The following VPS13A variants were observed in gnomAD, a reference collection of about 807,000 sequenced individuals.
VPS13A encodes vacuolar protein sorting 13 homolog A.
A neutral mutation model predicts 390.9 loss-of-function variants in VPS13A; 264 were observed. The ratio of observed to expected loss-of-function variants is 0.68; its 90% CI spans 0.61 to 0.75. The LOEUF (loss-of-function observed/expected upper bound fraction) is 0.75. VPS13A is among the 30% of genes least tolerant of loss of function. VPS13A has a pLI of 0.00. For missense variants in VPS13A, 3,409 were observed against 3,733.9 expected, an observed-to-expected ratio of 0.91 and a Z score of 2.27; for synonymous variants, 1,231 against 1,227.1, an observed-to-expected ratio of 1.00 and a Z score of -0.07.
At chr9:77,231,471 T>A (rs573320645) in intron 17 of VPS13A, among the ~76,000 whole-genome samples, 1 of 152,294 alleles carries the variant, frequency 6.6e-6, no homozygotes, top group East Asian at 1.9e-4. Flanking sequence ...ATTATAGCCA[T>A]CCTTATGGGT....
intron 10 of VPS13A, among the ~76,000 whole-genome samples, chr9:77,215,479 C>T (rs921440684): frequency 1.3e-5 from 2 of 152,272 alleles, no homozygotes; most frequent in East Asian, 1.9e-4. Flanking sequence ...AATCCATAAT[C>T]GTAAATTCGA....
Position 77,402,931 on chromosome 9 carries a change from T to C in VPS13A, c.9190-305T>C, listed in dbSNP as rs558929615. 2.8e-3 allele frequency among the ~76,000 whole-genome samples: 425 copies of C among 152,314 alleles called. 8 individuals are homozygous for C. The highest frequency in any genetic ancestry group is 0.01 in the Middle Eastern group (3 of 294). The stretch of plus-strand genomic sequence containing the variant: ...TATTAAATACTAATGTGTTTTCCAA[T>C]ATAAAGTCACTGTAATAGTTAAATA... On this transcript the variant is annotated intron_variant, in intron 68 of 71. Coordinates refer to ENST00000360280, the MANE Select transcript of VPS13A (RefSeq NM_033305.3).
At chr9:77,394,626 T>A (rs936669985) in intron 68 of VPS13A, among the ~76,000 whole-genome samples, 1 of 152,224 alleles carries the variant, frequency 6.6e-6, no homozygotes, top group Non-Finnish European at 1.5e-5. Flanking sequence ...GGCATTTACT[T>A]CTCTCTAGCT....
intron 60 of VPS13A, among the ~76,000 whole-genome samples, chr9:77,366,325 G>A (rs1015676908): frequency 6.6e-6 from 1 of 152,022 alleles, no homozygotes; most frequent in African/African-American, 2.4e-5. Context: ...TCCACTGAAG[G>A]TGTATTGCTT....
rs865836844 is a variant in VPS13A, at chr9:77,397,489, A to G, written c.9190-5747A>G. Among the ~76,000 whole-genome samples the G allele has an allele frequency of 3.9e-5, 6 of 152,274 alleles. 1 individual carries two copies. The South Asian group carries it at 1.2e-3, about 32-fold the overall frequency. Reference sequence around the variant, plus strand: ...TTAACACATTCTTTGGTTGGGACTTAAAGCCTTTTATTTTAGTGATTTATT... The same window carrying G: ...TTAACACATTCTTTGGTTGGGACTTGAAGCCTTTTATTTTAGTGATTTATT... On this transcript the variant is annotated intron_variant, in intron 68 of 71. Coordinates refer to ENST00000360280, the MANE Select transcript of VPS13A (RefSeq NM_033305.3).
intron 1 of VPS13A, among the ~76,000 whole-genome samples, chr9:77,181,697 T>C (rs1398461933): frequency 1.3e-5 from 2 of 152,160 alleles, no homozygotes; most frequent in African/African-American, 4.8e-5. Context: ...TAGTATTCAG[T>C]CATTGCTAAT....
Position 77,207,237 on chromosome 9 carries a change from A to ATATACG in VPS13A, c.385+1162_385+1163insCGTATA, listed in dbSNP as rs1554859951. Among the ~76,000 whole-genome samples, 5 of 79,534 alleles carry ATATACG rather than the reference A, an allele frequency of 6.3e-5. 1 individual carries two copies. The Admixed American group carries it at 7.4e-4, about 12-fold the overall frequency. 52.2% of individuals were successfully genotyped at this position (79,534 alleles called of 152,430 possible). ...ATTATATATATATATATATATATAT[A>ATATACG]TATATATATATATATAAAACGTGTT... is the stretch of plus-strand genomic sequence containing the variant. On this transcript the variant is annotated intron_variant, in intron 5 of 71. Coordinates refer to ENST00000360280, the MANE Select transcript of VPS13A (RefSeq NM_033305.3).
intron 1 of VPS13A, among the ~76,000 whole-genome samples, chr9:77,185,953 C>T (rs1299248319): frequency 6.6e-6 from 1 of 152,044 alleles, no homozygotes; most frequent in Non-Finnish European, 1.5e-5. Context: ...ATGGTGAAAC[C>T]CCATCTCTAC....
At chr9:77,309,537 A>G (rs1828948736) in intron 35 of VPS13A, among the ~76,000 whole-genome samples, 1 of 152,230 alleles carries the variant, frequency 6.6e-6, no homozygotes, top group Non-Finnish European at 1.5e-5. Flanking sequence ...ATACATATGT[A>G]TCATAAAGAT....
chr9:77,333,837 A>G (rs1830405653), intron 46 of VPS13A, among the ~76,000 whole-genome samples: 1 of 152,220 alleles, frequency 6.6e-6, no homozygotes, highest in African/African-American at 2.4e-5. Context: ...GAATTTAAAT[A>G]TACTGATTCT....
chr9:77,411,429 C>T (rs1428257320), intron 71 of VPS13A, among the ~76,000 whole-genome samples: 52 of 152,002 alleles, frequency 3.4e-4, no homozygotes, highest in African/African-American at 1.1e-3. Flanking sequence ...TTTGGGAGGC[C>T]GAGGCAGGCG....
intron 1 of VPS13A, among the ~76,000 whole-genome samples, chr9:77,181,890 A>T (rs1040642195): frequency 6.6e-6 from 1 of 152,018 alleles, no homozygotes; most frequent in Non-Finnish European, 1.5e-5. Flanking sequence ...CTGCTAGAAG[A>T]CTCTGTCTTA....
In VPS13A at chr9:77,322,953, G is replaced by A. The variant is rs377562318; in HGVS notation, c.5831-114G>A. The A allele has an allele frequency of 4.8e-5, 40 of 829,978 alleles. No homozygotes were observed. In the East Asian group the frequency reaches 9.4e-4, roughly 19 times the overall value. 51.4% of individuals were successfully genotyped at this position (829,978 alleles called of 1,614,324 possible). ...TTATGGACTATATCCAAAGACTCTA[G>A]TGACTATTATTTATAAGTTTAAGAA... is the stretch of plus-strand genomic sequence containing the variant. On this transcript the variant is annotated intron_variant, in intron 44 of 71. Transcript: ENST00000360280.
Position 77,252,296 on chromosome 9 carries a change from G to T in VPS13A, c.2232G>T (p.Met744Ile), listed in dbSNP as rs142615030. The change falls in exon 22 of 72, where the codon ATG becomes ATT. Residue 744 changes from methionine to isoleucine, a missense_variant. Physicochemically the swap from Met to Ile is conservative, Grantham distance 10 (BLOSUM62 1). Transcript: ENST00000360280. ...SVSTQHILVP[M>I]HFNLELSKAM... ...CTACCCAGCATATTTTGGTACCCAT[G>T]CACTTCAATTTGGAACTGTCTAAGG... The T allele has an allele frequency of 4.3e-6, 7 of 1,613,894 alleles. No individual in the cohort carries two copies. In the African/African-American group the frequency reaches 9.3e-5, roughly 22 times the overall value.
In VPS13A at chr9:77,226,584, A is replaced by C. The variant is rs376343934; in HGVS notation, c.1343A>C (p.Asp448Ala). The C allele has an allele frequency of 1.2e-6, 2 of 1,612,596 alleles. No individual in the cohort carries two copies. Among genetic ancestry groups the C allele is most frequent in the Non-Finnish European group, 1.7e-6 (2 of 1,179,078 alleles). Residue 448 changes from aspartate (D) to alanine (A), a missense_variant, in exon 15 of 72, where the codon GAT (aspartate) becomes GCT (alanine). Coordinates refer to ENST00000360280, the MANE Select transcript of VPS13A (RefSeq NM_033305.3). ...CAAAATACTAATGAACAGCAACCAGATGTTCAACCTGAAAGTATGTCCATT... is the reference window on the plus strand; with the variant it reads ...CAAAATACTAATGAACAGCAACCAGCTGTTCAACCTGAAAGTATGTCCATT... ...SEQNTNEQQP[D>A]VQPETLEEML... is the part of the protein sequence containing the mutation.
At chr9:77,249,414 T>C (rs1467105169) in intron 20 of VPS13A, among the ~76,000 whole-genome samples, 1 of 152,210 alleles carries the variant, frequency 6.6e-6, no homozygotes, top group Non-Finnish European at 1.5e-5. Context: ...GCAATTTGCT[T>C]AACCTGTTAC....
At chr9:77,233,631 G>A (rs1484287637) in intron 17 of VPS13A, among the ~76,000 whole-genome samples, 1 of 151,482 alleles carries the variant, frequency 6.6e-6, no homozygotes, top group Admixed American at 6.6e-5. Flanking sequence ...CGTATTTTCT[G>A]ATTTCTCTTG....
At chr9:77,306,128 T>TA (rs1054798223) in intron 34 of VPS13A, among the ~76,000 whole-genome samples, 8 of 151,890 alleles carry the variant, frequency 5.3e-5, no homozygotes, top group African/African-American at 1.7e-4. Context: ...AATGAAAGCT[T>TA]AAAAAAAACC....
rs568687469 is a variant in VPS13A, at chr9:77,366,944, A to G, written c.8471+72A>G. The G allele has an allele frequency of 1.5e-5, 23 of 1,524,840 alleles. No individual in the cohort carries two copies. In the South Asian group the frequency reaches 2.1e-4, roughly 14 times the overall value. The allele number at this position is 1,524,840 out of a possible 1,614,324, so 94.5% of individuals were successfully genotyped here. ...TTATATGTCCCTAAAAATTTCGTAAATGAAAAAGTGTGTGAAGTACGTTGC... is the reference window on the plus strand; with the variant it reads ...TTATATGTCCCTAAAAATTTCGTAAGTGAAAAAGTGTGTGAAGTACGTTGC... On this transcript the variant is annotated intron_variant, in intron 61 of 71. Transcript: ENST00000360280.
Sources: allele counts gnomAD v4.1 joint callset (sites outside exome capture counted in the v4.1 genomes callset), GRCh38; gene constraint gnomAD v4.1.1; transcripts MANE v1.5; gene names NCBI Gene and HGNC (gene_info 2026-07-23, HGNC 2026-07-21).